Variants in PANK3 observed in about 807,000 individuals in gnomAD.
The protein encoded by PANK3 is hPanK3.
PANK3 carries 20 observed loss-of-function variants against 39.4 expected under a neutral mutation model. That is an observed-to-expected ratio of 0.51 (90% CI 0.36 to 0.74). PANK3 has a LOEUF of 0.74. PANK3 is among the 30% of genes least tolerant of loss of function. The pLI is 0.00. For synonymous variants in PANK3, 140 were observed against 157.3 expected, an observed-to-expected ratio of 0.89 and a Z score of 0.82; for missense variants, 265 against 437.0, an observed-to-expected ratio of 0.61 and a Z score of 3.51.
chr5:168,549,150 C>T lies in PANK3; in HGVS notation c.*8421G>A, dbSNP rs946266471. 1 of 152,108 alleles carries T rather than the reference C, an allele frequency of 6.6e-6. No homozygotes were observed. The highest frequency in any genetic ancestry group is 2.4e-5 in the African/African-American group (1 of 41,430). The allele number at this position is 152,108 out of a possible 1,614,324, so 9.4% of individuals were successfully genotyped here. A position where few individuals can be genotyped will look rare whatever the true frequency, so the allele number is the denominator to read the frequency against. ...CACAGTGTATAAAAAATAATAAAAA[C>T]CATCTTAATATTGCTTACATCCTAA... On this transcript the variant is annotated 3_prime_UTR_variant, in exon 7 of 7. Transcript: ENST00000239231.
At position 168,561,442 on chromosome 5, in the gene PANK3, G is replaced by C; in HGVS notation, c.887C>G (p.Thr296Ser). The C allele has an allele frequency of 6.2e-7, 1 of 1,602,532 alleles. No homozygotes were observed. Among genetic ancestry groups the C allele is most frequent in the Non-Finnish European group, 8.5e-7 (1 of 1,174,360 alleles). Residue 296 changes from threonine to serine, a missense_variant, in exon 5 of 7, where the codon ACT becomes AGT. Thr to Ser is a moderately conservative substitution (Grantham distance 58, BLOSUM62 1). Transcript: ENST00000239231. ...KEDLARATLV[T>S]ITNNIGSVAR... is the part of the protein sequence containing the mutation. Reference sequence around the variant, plus strand: ...CACAGAACCAATGTTATTGGTGATAGTAACTAAAGTAGCTCTTGCCAGATC... The same window carrying C: ...CACAGAACCAATGTTATTGGTGATACTAACTAAAGTAGCTCTTGCCAGATC...
rs1759710023 is a variant in PANK3 at position 168,575,020 on chromosome 5, T to A, written c.28+4236A>T. On this transcript the variant is annotated intron_variant, in intron 1 of 6. Coordinates refer to ENST00000239231, the MANE Select transcript of PANK3 (RefSeq NM_024594.4). ...AACCTTAACATTTTTTTTTTCAGAA[T>A]AAAACATTCCTTGCTAAGGTGAAAA... 4.6e-5 allele frequency among the ~76,000 whole-genome samples: 7 copies of A among 151,368 alleles called. No homozygotes were observed. In the South Asian group the frequency reaches 1.5e-3, roughly 32 times the overall value.
In PANK3 at chr5:168,549,360, C is replaced by G. The variant is rs2113092642; in HGVS notation, c.*8211G>C. 1 of 152,222 alleles carries G rather than the reference C, an allele frequency of 6.6e-6. No individual in the cohort carries two copies. The highest frequency in any genetic ancestry group is 2.4e-5 in the African/African-American group (1 of 41,532). 9.4% of individuals were successfully genotyped at this position (152,222 alleles called of 1,614,324 possible). On this transcript the variant is annotated 3_prime_UTR_variant, in exon 7 of 7. Transcript: ENST00000239231. ...AGCCAGGTACAACATCGATGAAATT[C>G]AGACATACAATGTAAAGTTGAAATA...
intron 1 of PANK3, among the ~76,000 whole-genome samples, chr5:168,570,076 C>T (rs182650724): frequency 1.3e-5 from 2 of 151,962 alleles, no homozygotes; most frequent in Admixed American, 6.6e-5. Flanking sequence ...AAGCAATTCC[C>T]TTCAGTAAAT....
In PANK3 at chr5:168,568,817, C is replaced by A; in HGVS notation, c.210G>T (p.Leu70=). ...TTCGGCCAAAAAGTGTTAAATCTTT[C>A]AGTTCAAGGTGTACATCCCGAATGC... ...STGIRDVHLE[L]KDLTLFGRRG... is the part of the protein sequence containing the mutation. The change falls in exon 2 of 7, where the codon CTG becomes CTT. Residue 70 remains leucine, a synonymous_variant. Coordinates refer to ENST00000239231, the MANE Select transcript of PANK3 (RefSeq NM_024594.4). 1.2e-6 allele frequency: 2 copies of A among 1,613,922 alleles called. No individual in the cohort carries two copies. The highest frequency in any genetic ancestry group is 1.7e-6 in the Non-Finnish European group (2 of 1,179,992).
At chr5:168,578,169 T>C (rs938017759) in intron 1 of PANK3, among the ~76,000 whole-genome samples, 3 of 152,240 alleles carry the variant, frequency 2.0e-5, no homozygotes, top group East Asian at 3.8e-4. Context: ...TGGTACATGC[T>C]TGGAAAAGTT....
rs1759356589 is a variant in PANK3 at position 168,556,864 on chromosome 5, TTAA to T, written c.*704_*706del. Reference sequence around the variant, plus strand: ...ACTCCCAGTAATTAAGCCTCCAATCTTAAAATGTTAAACATTTCAACATGTATT... The same window carrying T: ...ACTCCCAGTAATTAAGCCTCCAATCTAATGTTAAACATTTCAACATGTATT... On this transcript the variant is annotated 3_prime_UTR_variant, in exon 7 of 7. Coordinates refer to ENST00000239231, the MANE Select transcript of PANK3 (RefSeq NM_024594.4). 6.6e-6 allele frequency: 1 copy of T among 152,630 alleles called. No individual in the cohort carries two copies. Among genetic ancestry groups the T allele is most frequent in the Non-Finnish European group, 1.5e-5 (1 of 68,044 alleles). The allele number at this position is 152,630 out of a possible 1,614,324, so 9.5% of individuals were successfully genotyped here. A position where few individuals can be genotyped will look rare whatever the true frequency, so the allele number is the denominator to read the frequency against.
chr5:168,574,590 G>A (rs7720447), intron 1 of PANK3, among the ~76,000 whole-genome samples: 5 of 152,078 alleles, frequency 3.3e-5, no homozygotes, highest in South Asian at 2.1e-4. Flanking sequence ...GGCCTGGTGC[G>A]GTAGCTCACA....
At chr5:168,564,482 G>C (rs1342944464) in intron 3 of PANK3, among the ~76,000 whole-genome samples, 5 of 152,152 alleles carry the variant, frequency 3.3e-5, no homozygotes, top group Non-Finnish European at 7.3e-5. Context: ...CCTCAGGCTG[G>C]AGTGCAGTGA....
At chr5:168,561,257 T>C (rs1232614508) in intron 5 of PANK3, 136 bp downstream of exon 5, 6 of 640,244 alleles carry the variant, frequency 9.4e-6, no homozygotes, top group African/African-American at 9.1e-5. Flanking sequence ...ATATACCTAA[T>C]GAGTCTTGGC....
At chr5:168,575,472 T>C (rs1759716686) in intron 1 of PANK3, among the ~76,000 whole-genome samples, 1 of 152,138 alleles carries the variant, frequency 6.6e-6, no homozygotes, top group Non-Finnish European at 1.5e-5. Flanking sequence ...AACATAACTA[T>C]TTAATTGCTA....
In PANK3 at chr5:168,552,730, C is replaced by T. The variant is rs755476337; in HGVS notation, c.*4841G>A. ...CAAAACGCCATGCCTCAAGACCTAT[C>T]ATATGTAAAGTCCTTCCTGCCCTTT... On this transcript the variant is annotated 3_prime_UTR_variant, in exon 7 of 7. Transcript: ENST00000239231. The T allele has an allele frequency of 1.2e-4, 22 of 182,316 alleles. No individual in the cohort carries two copies. Among genetic ancestry groups the T allele is most frequent in the Non-Finnish European group, 1.7e-4 (13 of 78,330 alleles). 11.3% of individuals were successfully genotyped at this position (182,316 alleles called of 1,614,324 possible).
At chr5:168,565,885 A>ATATAT (rs1441027360) in intron 3 of PANK3, 128 bp downstream of exon 3, 35 of 194,720 alleles carry the variant, frequency 1.8e-4, no homozygotes, top group African/African-American at 4.5e-4. Flanking sequence ...ATATATATAT[A>ATATAT]TTTTTTTTTT....
intron 1 of PANK3, among the ~76,000 whole-genome samples, chr5:168,578,310 T>C (rs756602391): frequency 4.6e-5 from 7 of 152,250 alleles, no homozygotes; most frequent in African/African-American, 9.6e-5. Context: ...GGAACCCCGA[T>C]AGGCGGGCAG....
intron 2 of PANK3, among the ~76,000 whole-genome samples, chr5:168,567,274 A>T (rs957226854): frequency 6.6e-6 from 1 of 152,196 alleles, no homozygotes; most frequent in Non-Finnish European, 1.5e-5. Context: ...GCATAGGTGC[A>T]AGCATATAAC....
At chr5:168,563,818 G>A (rs1174135702) in intron 4 of PANK3, 71 bp downstream of exon 4, 3 of 1,389,422 alleles carry the variant, frequency 2.2e-6, no homozygotes, top group Non-Finnish European at 2.9e-6. Context: ...CTGTTACATT[G>A]CTTTCCAAAA....
rs1281567984 is a variant in PANK3 at position 168,550,577 on chromosome 5, A to G, written c.*6994T>C. 1.3e-5 allele frequency: 2 copies of G among 152,208 alleles called. No homozygotes were observed. Among genetic ancestry groups the G allele is most frequent in the African/African-American group, 4.8e-5 (2 of 41,460 alleles). The allele number at this position is 152,208 out of a possible 1,614,324, so 9.4% of individuals were successfully genotyped here. A position where few individuals can be genotyped will look rare whatever the true frequency, so the allele number is the denominator to read the frequency against. On this transcript the variant is annotated 3_prime_UTR_variant, in exon 7 of 7. Transcript: ENST00000239231. ...TAAGGTATATCTACCTGGCCATTAC[A>G]GGCAATCACATATTAAGAGAGAATA... is the stretch of plus-strand genomic sequence containing the variant.
intron 5 of PANK3, among the ~76,000 whole-genome samples, chr5:168,559,490 G>A (rs1759409649): frequency 6.6e-6 from 1 of 152,076 alleles, no homozygotes; most frequent in African/African-American, 2.4e-5. Flanking sequence ...AGTGGGCTGT[G>A]TGTGTATGGA....
intron 6 of PANK3, among the ~76,000 whole-genome samples, chr5:168,558,153 CTTTTTTTTT>C (rs767440372): frequency 8.7e-6 from 1 of 115,294 alleles, no homozygotes. Flanking sequence ...GACATGGAAG[CTTTTTTTTT>C]TTTTTTTTTT....
Sources: allele counts gnomAD v4.1 joint callset (sites outside exome capture counted in the v4.1 genomes callset), GRCh38; gene constraint gnomAD v4.1.1; transcripts MANE v1.5; gene names NCBI Gene and HGNC (gene_info 2026-07-23, HGNC 2026-07-21).